Variants in PACRG observed in about 807,000 individuals in gnomAD.
PACRG encodes parkin coregulated gene protein.
PACRG carries 29 observed loss-of-function variants against 29.7 expected under a neutral mutation model. The observed-to-expected ratio is 0.98, with a 90% CI of 0.73 to 1.33. The LOEUF (loss-of-function observed/expected upper bound fraction) is 1.33. Ranked by LOEUF, PACRG falls within the 40% of genes most tolerant of loss-of-function variation. The pLI, the probability that PACRG is intolerant of heterozygous loss-of-function variation, is 0.00. For synonymous variants in PACRG, 116 were observed against 118.7 expected (o/e 0.98, Z 0.15); for missense variants, 279 against 316.2 (o/e 0.88, Z 0.89).
intron 2 of PACRG, among the ~76,000 whole-genome samples, chr6:162,923,059 T>C (rs1320127773): frequency 6.6e-6 from 1 of 152,226 alleles, no homozygotes; most frequent in Non-Finnish European, 1.5e-5. Flanking sequence ...TACTTATTGA[T>C]GATAGACATT....
chr6:163,106,019 A>G (rs1815361440), intron 4 of PACRG, among the ~76,000 whole-genome samples: 1 of 152,136 alleles, frequency 6.6e-6, no homozygotes, highest in South Asian at 2.1e-4. Context: ...GCTAACAGTT[A>G]TTTAGTGCTT....
intron 4 of PACRG, among the ~76,000 whole-genome samples, chr6:163,299,739 C>T (rs911684555): frequency 1.3e-5 from 2 of 152,090 alleles, no homozygotes. Context: ...ATTAGCTGGG[C>T]ATGGGGGCGC....
chr6:163,059,943 T>C lies in PACRG; in HGVS notation c.292-2207T>C, dbSNP rs565229331. 5.3e-5 allele frequency among the ~76,000 whole-genome samples: 8 copies of C among 152,328 alleles called. No homozygotes were observed. In the South Asian group the frequency reaches 1.7e-3, roughly 32 times the overall value. On this transcript the variant is annotated intron_variant, in intron 2 of 4. Coordinates refer to ENST00000366888, the MANE Select transcript of PACRG (RefSeq NM_001080379.2). The stretch of plus-strand genomic sequence containing the variant: ...AGTCTTAGTAGAAGACTTTTAACTT[T>C]ATTTATCTCTCACTAAGATAAATTT...
intron 1 of PACRG, among the ~76,000 whole-genome samples, chr6:162,793,994 A>G (rs2128330726): frequency 6.6e-6 from 1 of 152,302 alleles, no homozygotes; most frequent in East Asian, 1.9e-4. Flanking sequence ...ACTTAAAATA[A>G]AAGTTAAATT....
At chr6:162,740,801 A>G (rs1404177526) in intron 1 of PACRG, among the ~76,000 whole-genome samples, 3 of 145,844 alleles carry the variant, frequency 2.1e-5, no homozygotes, top group Non-Finnish European at 4.5e-5. Flanking sequence ...GGGTTTCACC[A>G]TGTTAGCCAG....
At chr6:162,799,628 C>A (rs1785682003) in intron 1 of PACRG, among the ~76,000 whole-genome samples, 1 of 151,772 alleles carries the variant, frequency 6.6e-6, no homozygotes. Context: ...GAAAGTGGGA[C>A]CCTTTTTTTT....
At position 162,730,560 on chromosome 6, in the gene PACRG, C is replaced by T. The variant is rs1156592025; in HGVS notation, c.156+2169C>T. Reference sequence around the variant, plus strand: ...TCTGAGTGCGATAGTGATACAAGTACATAAACTTGATAATAAATATGTTTC... The same window carrying T: ...TCTGAGTGCGATAGTGATACAAGTATATAAACTTGATAATAAATATGTTTC... On this transcript the variant is annotated intron_variant, in intron 1 of 4. Coordinates refer to ENST00000366888, the MANE Select transcript of PACRG (RefSeq NM_001080379.2). Among the ~76,000 whole-genome samples the T allele has an allele frequency of 2.6e-5, 4 of 152,130 alleles. No homozygotes were observed. The East Asian group carries it at 7.7e-4, about 29-fold the overall frequency.
At chr6:162,770,941 T>C (rs1783168910) in intron 1 of PACRG, among the ~76,000 whole-genome samples, 1 of 152,168 alleles carries the variant, frequency 6.6e-6, no homozygotes, top group African/African-American at 2.4e-5. Context: ...GTTGTCACGG[T>C]TTTATATAAG....
chr6:163,183,965 TCTTA>T (rs1385496638), intron 4 of PACRG, among the ~76,000 whole-genome samples: 1 of 152,206 alleles, frequency 6.6e-6, no homozygotes, highest in Non-Finnish European at 1.5e-5. Flanking sequence ...CTAATGGGTG[TCTTA>T]CTCACTGGAA....
intron 2 of PACRG, among the ~76,000 whole-genome samples, chr6:162,960,636 A>T (rs1800533224): frequency 6.6e-6 from 1 of 152,214 alleles, no homozygotes; most frequent in South Asian, 2.1e-4. Flanking sequence ...GTGCGGGTTA[A>T]AAAACTACCT....
At chr6:162,779,051 C>A (rs888809729) in intron 1 of PACRG, among the ~76,000 whole-genome samples, 3 of 152,080 alleles carry the variant, frequency 2.0e-5, no homozygotes, top group African/African-American at 7.2e-5. Context: ...CTGACAGGCC[C>A]AATTGTATGT....
chr6:162,870,705 A>G (rs934514277), intron 2 of PACRG, among the ~76,000 whole-genome samples: 2 of 152,208 alleles, frequency 1.3e-5, no homozygotes, highest in Admixed American at 6.5e-5. Context: ...GTTTATCCAT[A>G]TATTATTGGA....
At chr6:162,773,493 C>CTTTTTTTTTTTTTTTTTTTTTT (rs1562582605) in intron 1 of PACRG, among the ~76,000 whole-genome samples, 1 of 82,728 alleles carries the variant, frequency 1.2e-5, no homozygotes, top group Non-Finnish European at 2.3e-5. Context: ...TACAGCTTGT[C>CTTTTTTTTTTTTTTTTTTTTTT]ATTTTTTTTT....
At chr6:162,851,304 C>G (rs757713918) in intron 2 of PACRG, among the ~76,000 whole-genome samples, 3 of 152,200 alleles carry the variant, frequency 2.0e-5, no homozygotes, top group Non-Finnish European at 4.4e-5. Context: ...CAGCTCGGCT[C>G]CTGCTGTCTC....
At chr6:162,787,321 T>C (rs1318073734) in intron 1 of PACRG, among the ~76,000 whole-genome samples, 2 of 151,924 alleles carry the variant, frequency 1.3e-5, no homozygotes, top group African/African-American at 4.8e-5. Flanking sequence ...ATTAATACCC[T>C]ATGTTTGATT....
chr6:162,985,232 A>G (rs1047085121), intron 2 of PACRG, among the ~76,000 whole-genome samples: 7 of 151,988 alleles, frequency 4.6e-5, no homozygotes, highest in Admixed American at 3.9e-4. Context: ...TAATACCAAA[A>G]CCAGGGAAGG....
At chr6:163,246,608 G>C (rs564889351) in intron 4 of PACRG, among the ~76,000 whole-genome samples, 4 of 152,286 alleles carry the variant, frequency 2.6e-5, no homozygotes, top group Admixed American at 6.5e-5. Context: ...GTCTCACTCC[G>C]TGTCAGCTGC....
intron 4 of PACRG, among the ~76,000 whole-genome samples, chr6:163,222,734 C>A (rs1352092023): frequency 6.6e-6 from 1 of 152,134 alleles, no homozygotes; most frequent in Admixed American, 6.5e-5. Flanking sequence ...AGATTTGAAC[C>A]ACTAAGAAAT....
intron 2 of PACRG, among the ~76,000 whole-genome samples, chr6:162,893,711 G>A (rs1279891141): frequency 2.0e-5 from 3 of 152,166 alleles, no homozygotes; most frequent in African/African-American, 2.4e-5. Context: ...GCAGCACTCC[G>A]ACGGCTATGC....
Sources: allele counts gnomAD v4.1 joint callset (sites outside exome capture counted in the v4.1 genomes callset), GRCh38; gene constraint gnomAD v4.1.1; transcripts MANE v1.5; gene names NCBI Gene and HGNC (gene_info 2026-07-23, HGNC 2026-07-21).